The following CPNE4 variants were observed in gnomAD, a reference collection of about 807,000 sequenced individuals.
CPNE4 encodes copine-4.
CPNE4 carries 25 observed loss-of-function variants against 67.9 expected under a neutral mutation model. The ratio of observed to expected loss-of-function variants is 0.37; its 90% CI spans 0.27 to 0.51. The LOEUF is 0.51. Ranked by LOEUF, CPNE4 falls within the 20% of genes least tolerant of loss-of-function variation. The pLI is 0.93. For synonymous variants in CPNE4, 242 were observed against 244.9 expected (o/e 0.99, Z 0.11); for missense variants, 464 against 690.8 (o/e 0.67, Z 3.68).
chr3:131,717,914 CTTTCTTT>C (rs1192787361), intron 3 of CPNE4, among the ~76,000 whole-genome samples: 10 of 139,068 alleles, frequency 7.2e-5, no homozygotes, highest in African/African-American at 2.4e-4. Flanking sequence ...TTCTTTCTTT[CTTTCTTT>C]CTTTCTTTCT....
chr3:131,711,793 T>C (rs1200847436), intron 3 of CPNE4, among the ~76,000 whole-genome samples: 1 of 152,210 alleles, frequency 6.6e-6, no homozygotes, highest in East Asian at 1.9e-4. Flanking sequence ...AAATAAAGCT[T>C]GAAATGAGGA....
At chr3:131,681,999 GTTAAAT>G (rs1189837648) in intron 6 of CPNE4, among the ~76,000 whole-genome samples, 1 of 151,676 alleles carries the variant, frequency 6.6e-6, no homozygotes, top group Non-Finnish European at 1.5e-5. Flanking sequence ...CAATCTCTTT[GTTAAAT>G]TTATTTGATA....
chr3:131,595,210 TG>T (rs1245826327), intron 7 of CPNE4, among the ~76,000 whole-genome samples: 1 of 152,174 alleles, frequency 6.6e-6, no homozygotes, highest in Non-Finnish European at 1.5e-5. Context: ...AATCCCACAC[TG>T]GGGTGGAAAT....
chr3:131,745,398 T>C (rs2082463716), intron 2 of CPNE4, among the ~76,000 whole-genome samples: 1 of 152,108 alleles, frequency 6.6e-6, no homozygotes, highest in African/African-American at 2.4e-5. Context: ...AAGGGTCTTT[T>C]GCAGACCAAA....
At chr3:131,940,338 CAG>C (rs1162731258) in intron 1 of CPNE4, among the ~76,000 whole-genome samples, 3 of 151,978 alleles carry the variant, frequency 2.0e-5, no homozygotes, top group Admixed American at 1.3e-4. Context: ...CTCATGCACA[CAG>C]GGGAGAGAAA....
chr3:131,920,539 T>C (rs2070711858), intron 1 of CPNE4, among the ~76,000 whole-genome samples: 1 of 152,038 alleles, frequency 6.6e-6, no homozygotes, highest in Non-Finnish European at 1.5e-5. Flanking sequence ...GCCTCCTAAA[T>C]CAACTGATGA....
At chr3:132,033,004 T>C (rs2074269289) in intron 1 of CPNE4, among the ~76,000 whole-genome samples, 1 of 152,224 alleles carries the variant, frequency 6.6e-6, no homozygotes, top group Non-Finnish European at 1.5e-5. Flanking sequence ...GTGTTTGTTT[T>C]TTTGTTTTGT....
intron 6 of CPNE4, among the ~76,000 whole-genome samples, chr3:131,674,777 AT>A (rs908286418): frequency 6.6e-6 from 1 of 151,338 alleles, no homozygotes; most frequent in Non-Finnish European, 1.5e-5. Flanking sequence ...TGTTTTATTG[AT>A]TTTTTTATTA....
chr3:131,636,579 G>A (rs1582933686), intron 7 of CPNE4, among the ~76,000 whole-genome samples: 1 of 152,148 alleles, frequency 6.6e-6, no homozygotes, highest in South Asian at 2.1e-4. Flanking sequence ...TGAAGACAAA[G>A]GTCATAGTCT....
At chr3:131,681,533 T>C (rs1015772597) in intron 6 of CPNE4, among the ~76,000 whole-genome samples, 2 of 152,190 alleles carry the variant, frequency 1.3e-5, no homozygotes, top group Non-Finnish European at 2.9e-5. Context: ...TTGTTTTTCT[T>C]TTCTCTTATT....
Position 131,794,241 on chromosome 3 carries a change from C to CTTT in CPNE4, c.181-70619_181-70617dup, listed in dbSNP as rs560693108. On this transcript the variant is annotated intron_variant, in intron 2 of 15. Coordinates refer to ENST00000429747, the MANE Select transcript of CPNE4 (RefSeq NM_130808.3). ...AAATCCAGTTCAATTTTGGAAACAACTTTTTTTTTTTTTTTTAGATGGAGT... is the reference window on the plus strand; with the variant it reads ...AAATCCAGTTCAATTTTGGAAACAACTTTTTTTTTTTTTTTTTTTAGATGGAGT... Among the ~76,000 whole-genome samples, 302 of 142,078 alleles carry CTTT rather than the reference C, an allele frequency of 2.1e-3. 1 individual carries two copies. Among genetic ancestry groups the CTTT allele is most frequent in the African/African-American group, 6.3e-3 (243 of 38,730 alleles). The allele number at this position is 142,078 out of a possible 152,430, so 93.2% of individuals were successfully genotyped here.
intron 1 of CPNE4, among the ~76,000 whole-genome samples, chr3:131,938,636 G>C (rs1307752613): frequency 6.6e-6 from 1 of 152,052 alleles, no homozygotes; most frequent in African/African-American, 2.4e-5. Context: ...AGGAGAGAGA[G>C]AGAAGGGGGA....
At chr3:131,708,987 T>C (rs1443430654) in intron 3 of CPNE4, among the ~76,000 whole-genome samples, 1 of 115,760 alleles carries the variant, frequency 8.6e-6, no homozygotes, top group Non-Finnish European at 1.8e-5. Flanking sequence ...TATATATATA[T>C]ATATATATAC....
chr3:131,898,606 A>T (rs1280329637), intron 2 of CPNE4, among the ~76,000 whole-genome samples: 1 of 152,084 alleles, frequency 6.6e-6, no homozygotes, highest in Non-Finnish European at 1.5e-5. Context: ...GATTTTACTT[A>T]TAAGGAATCC....
intron 2 of CPNE4, among the ~76,000 whole-genome samples, chr3:131,728,118 G>A (rs779559137): frequency 2.0e-5 from 3 of 152,200 alleles, no homozygotes; most frequent in Non-Finnish European, 4.4e-5. Flanking sequence ...TAGTAGGTGT[G>A]GAGTGGTCTC....
At chr3:131,777,481 C>T (rs1334362618) in intron 2 of CPNE4, among the ~76,000 whole-genome samples, 1 of 151,012 alleles carries the variant, frequency 6.6e-6, no homozygotes, top group Non-Finnish European at 1.5e-5. Flanking sequence ...AATAGGAATA[C>T]CTACCCAAAG....
chr3:131,645,545 A>G (rs915847852), intron 7 of CPNE4, among the ~76,000 whole-genome samples: 1 of 152,218 alleles, frequency 6.6e-6, no homozygotes, highest in African/African-American at 2.4e-5. Flanking sequence ...TTAATGATGG[A>G]GGTCCAGAGA....
chr3:131,880,179 T>C (rs1455177328), intron 2 of CPNE4, among the ~76,000 whole-genome samples: 1 of 149,654 alleles, frequency 6.7e-6, no homozygotes, highest in African/African-American at 2.5e-5. Flanking sequence ...CAGGCTGCAG[T>C]GCAGTGGCTC....
At chr3:131,992,888 C>T (rs2073202223) in intron 1 of CPNE4, among the ~76,000 whole-genome samples, 2 of 135,984 alleles carry the variant, frequency 1.5e-5, no homozygotes, top group African/African-American at 4.9e-5. Flanking sequence ...CTTCTGCTAC[C>T]TGCTGCTATG....
Sources: allele counts gnomAD v4.1 joint callset (sites outside exome capture counted in the v4.1 genomes callset), GRCh38; gene constraint gnomAD v4.1.1; transcripts MANE v1.5; gene names NCBI Gene and HGNC (gene_info 2026-07-23, HGNC 2026-07-21).